E2F7: variants seen among roughly 807,000 people sequenced by gnomAD.
E2F7 encodes E2F transcription factor 7.
E2F7 carries 35 observed loss-of-function variants against 81.1 expected under a neutral mutation model. The ratio of observed to expected loss-of-function variants is 0.43; its 90% CI spans 0.33 to 0.57. The LOEUF (loss-of-function observed/expected upper bound fraction) is 0.57, where lower values mean the gene tolerates loss of function less well. Ranked by LOEUF, E2F7 falls within the 20% of genes least tolerant of loss-of-function variation. E2F7 has a pLI of 0.04. For missense variants in E2F7, 961 were observed against 1,093.7 expected, an observed-to-expected ratio of 0.88 and a Z score of 1.71; for synonymous variants, 416 against 416.2, an observed-to-expected ratio of 1.00 and a Z score of 0.01.
At chr12:77,040,589 C>T (rs987610180) in intron 7 of E2F7, among the ~76,000 whole-genome samples, 5 of 152,044 alleles carry the variant, frequency 3.3e-5, no homozygotes, top group East Asian at 3.9e-4. Context: ...CTGTGAATAA[C>T]GAAGATCAAC....
chr12:77,041,902 T>G (rs1300424453), intron 7 of E2F7, among the ~76,000 whole-genome samples: 1 of 152,220 alleles, frequency 6.6e-6, no homozygotes, highest in Admixed American at 6.5e-5. Context: ...AGATAATGTC[T>G]GGTCTCAAAT....
At position 77,040,791 on chromosome 12, in the gene E2F7, A is replaced by G. The variant is rs1592559656; in HGVS notation, c.1123+2274T>C. On this transcript the variant is annotated intron_variant, in intron 7 of 12. Transcript: ENST00000322886. ...TGATTTCACAGGTACATACCTATGAAAAACTTATCGAATTGTAACTTTAAC... is the reference window on the plus strand; with the variant it reads ...TGATTTCACAGGTACATACCTATGAGAAACTTATCGAATTGTAACTTTAAC... Among the ~76,000 whole-genome samples, 5 of 152,330 alleles carry G rather than the reference A, an allele frequency of 3.3e-5. No individual in the cohort carries two copies. In the South Asian group the frequency reaches 8.3e-4, roughly 25 times the overall value.
chr12:77,036,886 C>T (rs1182419240), intron 7 of E2F7, among the ~76,000 whole-genome samples: 5 of 152,030 alleles, frequency 3.3e-5, no homozygotes, highest in African/African-American at 4.8e-5. Context: ...GGACTACAGG[C>T]GCCCGCCACC....
At chr12:77,029,417 G>T (rs992812411) in intron 10 of E2F7, among the ~76,000 whole-genome samples, 13 of 152,164 alleles carry the variant, frequency 8.5e-5, no homozygotes, top group Non-Finnish European at 1.5e-4. Flanking sequence ...CCAAGCATAA[G>T]ATCTGATAGC....
rs911707460 is a variant in E2F7 at position 77,059,856 on chromosome 12, T to C, written c.94-3726A>G. ...CGGGCGCCTGTAGTCCCAGCTACTC[T>C]GGAGGCTGAGGCAGGAGAATAGCGT... is the stretch of plus-strand genomic sequence containing the variant. On this transcript the variant is annotated intron_variant, in intron 2 of 12. Coordinates refer to ENST00000322886, the MANE Select transcript of E2F7 (RefSeq NM_203394.3). Among the ~76,000 whole-genome samples, 17 of 149,858 alleles carry C rather than the reference T, an allele frequency of 1.1e-4. No homozygotes were observed. In the Middle Eastern group the frequency reaches 0.01, roughly 92 times the overall value.
chr12:77,037,505 A>G (rs1468801354), intron 7 of E2F7, among the ~76,000 whole-genome samples: 1 of 152,206 alleles, frequency 6.6e-6, no homozygotes, highest in Non-Finnish European at 1.5e-5. Context: ...TTTGACAACA[A>G]TGGCACAAAG....
At chr12:77,041,079 A>G (rs1458705335) in intron 7 of E2F7, among the ~76,000 whole-genome samples, 2 of 152,228 alleles carry the variant, frequency 1.3e-5, no homozygotes, top group African/African-American at 4.8e-5. Context: ...AATATTCCTG[A>G]CTTGCCTCCA....
At chr12:77,052,404 GTAAATGGAATTT>G (rs1366588683) in intron 3 of E2F7, among the ~76,000 whole-genome samples, 2 of 152,188 alleles carry the variant, frequency 1.3e-5, no homozygotes, top group South Asian at 2.1e-4. Context: ...AGACACACAT[GTAAATGGAATTT>G]TAATATGAAA....
chr12:77,046,156 G>A lies in E2F7; in HGVS notation c.711C>T (p.Tyr237=), dbSNP rs1171316059. 1 of 1,614,078 alleles carries A rather than the reference G, an allele frequency of 6.2e-7. No homozygotes were observed. Among genetic ancestry groups the A allele is most frequent in the African/African-American group, 1.3e-5 (1 of 74,932 alleles). Residue 237 remains tyrosine (Y), a synonymous_variant, in exon 5 of 13, where the codon TAC becomes TAT. Transcript: ENST00000322886. ...TCAGGTCCAGCTCTTTCTGTTGGAGGTAGGCCATTTGCTCTTCATATTTCT... is the reference window on the plus strand; with the variant it reads ...TCAGGTCCAGCTCTTTCTGTTGGAGATAGGCCATTTGCTCTTCATATTTCT... ...EEQKYEEQMA[Y]LQQKELDLID...
chr12:77,041,633 C>A (rs1954895815), intron 7 of E2F7, among the ~76,000 whole-genome samples: 1 of 152,156 alleles, frequency 6.6e-6, no homozygotes, highest in Non-Finnish European at 1.5e-5. Context: ...TCCAAAAATG[C>A]AGTCCCCACT....
chr12:77,058,214 G>C (rs1184242715), intron 2 of E2F7, among the ~76,000 whole-genome samples: 2 of 152,128 alleles, frequency 1.3e-5, no homozygotes, highest in Non-Finnish European at 2.9e-5. Flanking sequence ...GAACTCTCAA[G>C]GGAAATTACT....
intron 4 of E2F7, among the ~76,000 whole-genome samples, chr12:77,048,267 C>G (rs1029558909): frequency 3.9e-5 from 6 of 152,202 alleles, no homozygotes; most frequent in Non-Finnish European, 8.8e-5. Flanking sequence ...GGGGCTTGCT[C>G]TGTCAGAACA....
chr12:77,050,775 G>A, intron 3 of E2F7, 31 bp from the exon 4 acceptor site: 1 of 1,605,272 alleles, frequency 6.2e-7, no homozygotes, highest in Non-Finnish European at 8.5e-7. Flanking sequence ...GGAGGGGGAA[G>A]ATGTCACAGT....
At chr12:77,056,216 C>T in intron 2 of E2F7, 86 bp from the exon 3 acceptor site, 3 of 1,338,180 alleles carry the variant, frequency 2.2e-6, no homozygotes, top group South Asian at 3.0e-5. Context: ...TTCACTAAGA[C>T]TTGAAAATAC....
Position 77,029,929 on chromosome 12 carries a change from G to A in E2F7, c.1786C>T (p.Leu596Phe). 1 of 1,614,240 alleles carries A rather than the reference G, an allele frequency of 6.2e-7. No individual in the cohort carries two copies. The highest frequency in any genetic ancestry group is 1.1e-5 in the South Asian group (1 of 91,080). ...LSSAPSAQKR[L>F]CEERKPQEED... ...TCCTGAGGTTTCCTCTCCTCACAGA[G>A]GCGCTTCTGAGCTGAGGGTGCAGAT... Residue 596 changes from leucine to phenylalanine, a missense_variant, in exon 10 of 13, where the codon CTC becomes TTC. Physicochemically the swap from Leu to Phe is conservative, Grantham distance 22. Transcript: ENST00000322886.
intron 10 of E2F7, among the ~76,000 whole-genome samples, chr12:77,028,582 C>T (rs921279767): frequency 7.2e-5 from 11 of 152,222 alleles, no homozygotes; most frequent in South Asian, 2.1e-4. Context: ...ATTCTCCTGC[C>T]TCAGCCTCCT....
At chr12:77,045,232 C>G (rs927907499) in intron 5 of E2F7, among the ~76,000 whole-genome samples, 7 of 152,112 alleles carry the variant, frequency 4.6e-5, no homozygotes, top group Non-Finnish European at 8.8e-5. Context: ...TAGACTATAC[C>G]CTAAACATAG....
rs931290637 is a variant in E2F7 at position 77,022,169 on chromosome 12, A to G, written c.*1846T>C. ...TTTTGTGGAAGTTCTTAAGCATGGT[A>G]GAATTAACATGCATATACCCTGCAC... On this transcript the variant is annotated 3_prime_UTR_variant, in exon 13 of 13. Coordinates refer to ENST00000322886, the MANE Select transcript of E2F7 (RefSeq NM_203394.3). 4 of 152,240 alleles carry G rather than the reference A, an allele frequency of 2.6e-5. No individual in the cohort carries two copies. Among genetic ancestry groups the G allele is most frequent in the African/African-American group, 9.6e-5 (4 of 41,470 alleles). 9.4% of individuals were successfully genotyped at this position (152,240 alleles called of 1,614,324 possible).
chr12:77,026,669 C>G (rs946988024), intron 11 of E2F7, among the ~76,000 whole-genome samples: 1 of 152,068 alleles, frequency 6.6e-6, no homozygotes, highest in East Asian at 1.9e-4. Flanking sequence ...AACAAATTAA[C>G]AATTTTAACA....
Sources: allele counts gnomAD v4.1 joint callset (sites outside exome capture counted in the v4.1 genomes callset), GRCh38; gene constraint gnomAD v4.1.1; transcripts MANE v1.5; gene names NCBI Gene and HGNC (gene_info 2026-07-23, HGNC 2026-07-21).